PDCD1LG2: variants seen among roughly 807,000 people sequenced by gnomAD.
PDCD1LG2 encodes the protein B7 dendritic cell molecule.
PDCD1LG2 carries 32 observed loss-of-function variants against 28.2 expected under a neutral mutation model. That is an observed-to-expected ratio of 1.13 (90% CI 0.86 to 1.52). The LOEUF (loss-of-function observed/expected upper bound fraction) is 1.52. Ranked by LOEUF, PDCD1LG2 falls within the 40% of genes most tolerant of loss-of-function variation. The pLI is 0.00. For synonymous variants in PDCD1LG2, 116 were observed against 120.2 expected (o/e 0.97, Z 0.23); for missense variants, 385 against 323.8 (o/e 1.19, Z -1.45).
intron 4 of PDCD1LG2, among the ~76,000 whole-genome samples, chr9:5,551,515 C>G (rs981926291): frequency 3.9e-5 from 6 of 152,140 alleles, no homozygotes; most frequent in Non-Finnish European, 7.3e-5. Flanking sequence ...AAGATGTCTA[C>G]TCAGACAAAG....
chr9:5,561,897 G>A (rs928748558), intron 5 of PDCD1LG2, among the ~76,000 whole-genome samples: 1 of 152,142 alleles, frequency 6.6e-6, no homozygotes, highest in Non-Finnish European at 1.5e-5. Flanking sequence ...CTAACCTCAG[G>A]CATAAATGAG....
intron 1 of PDCD1LG2, among the ~76,000 whole-genome samples, chr9:5,517,698 G>C (rs1267604552): frequency 1.3e-5 from 2 of 152,204 alleles, no homozygotes; most frequent in East Asian, 3.8e-4. Context: ...ATCACCATGA[G>C]AAATGACAAT....
In PDCD1LG2 at chr9:5,567,389, G is replaced by C. The variant is rs150364504; in HGVS notation, c.817-2565G>C. 9.8e-3 allele frequency among the ~76,000 whole-genome samples: 1,491 copies of C among 152,322 alleles called. 28 individuals are homozygous for C. The highest frequency in any genetic ancestry group is 0.033 in the African/African-American group (1,387 of 41,558). The stretch of plus-strand genomic sequence containing the variant: ...GTGACACACTGCCCTTTCCATTTGT[G>C]GAAGTTGTTCTTGTATCTAACTTTA... On this transcript the variant is annotated intron_variant, in intron 6 of 6. Transcript: ENST00000397747.
intron 2 of PDCD1LG2, among the ~76,000 whole-genome samples, chr9:5,532,236 C>T (rs1440334737): frequency 6.6e-6 from 1 of 152,202 alleles, no homozygotes; most frequent in African/African-American, 2.4e-5. Flanking sequence ...CCCTGTGCCC[C>T]TCCTGCACAA....
intron 4 of PDCD1LG2, among the ~76,000 whole-genome samples, chr9:5,557,183 A>G (rs1425687109): frequency 6.6e-6 from 1 of 152,056 alleles, no homozygotes; most frequent in Non-Finnish European, 1.5e-5. Context: ...CACTGGGAAG[A>G]GAGAGAGGAT....
At chr9:5,540,393 A>T (rs1280661569) in intron 3 of PDCD1LG2, among the ~76,000 whole-genome samples, 1 of 152,200 alleles carries the variant, frequency 6.6e-6, no homozygotes, top group Non-Finnish European at 1.5e-5. Flanking sequence ...ATCAGGGCAG[A>T]ACTAAATGAA....
At chr9:5,512,225 C>A (rs1392247608) in intron 1 of PDCD1LG2, among the ~76,000 whole-genome samples, 1 of 152,166 alleles carries the variant, frequency 6.6e-6, no homozygotes, top group Non-Finnish European at 1.5e-5. Context: ...TGTAAAGGGG[C>A]AACTGTAGTA....
intron 3 of PDCD1LG2, among the ~76,000 whole-genome samples, chr9:5,543,424 A>G (rs1368744617): frequency 6.6e-6 from 1 of 151,954 alleles, no homozygotes; most frequent in Non-Finnish European, 1.5e-5. Flanking sequence ...CTGCAGTCGC[A>G]GCTACTCGGG....
In PDCD1LG2 at chr9:5,570,191, C is replaced by T. The variant is rs1563836683; in HGVS notation, c.*232C>T. On this transcript the variant is annotated 3_prime_UTR_variant, in exon 7 of 7. Transcript: ENST00000397747. ...TGGAGCCTATGGCTTTAAGCAAGCA[C>T]TACTGCACTTTACAGAATTACCCCA... The T allele has an allele frequency of 4.0e-6, 2 of 495,486 alleles. No individual in the cohort carries two copies. Among genetic ancestry groups the T allele is most frequent in the South Asian group, 4.0e-5 (1 of 24,970 alleles). 30.7% of individuals were successfully genotyped at this position (495,486 alleles called of 1,614,324 possible).
intron 4 of PDCD1LG2, 107 bp from the exon 5 acceptor site, chr9:5,557,511 G>T: frequency 1.6e-6 from 2 of 1,285,232 alleles, no homozygotes; most frequent in African/African-American, 3.0e-5. Flanking sequence ...TGGAGTAAAT[G>T]CTCCACAGAG....
intron 2 of PDCD1LG2, among the ~76,000 whole-genome samples, chr9:5,524,959 A>G (rs190105927): frequency 1.3e-5 from 2 of 152,336 alleles, no homozygotes; most frequent in African/African-American, 4.8e-5. Context: ...CCAGACCTGC[A>G]TGCTTCATTG....
intron 5 of PDCD1LG2, among the ~76,000 whole-genome samples, chr9:5,558,492 G>A (rs1451480489): frequency 3.3e-5 from 5 of 152,270 alleles, no homozygotes; most frequent in African/African-American, 9.6e-5. Context: ...TTTCCTAAAC[G>A]GCTCCCTTGT....
chr9:5,510,963 G>C (rs541554990), intron 1 of PDCD1LG2, among the ~76,000 whole-genome samples, 160 bp downstream of exon 1: 15 of 152,172 alleles, frequency 9.9e-5, no homozygotes, highest in African/African-American at 3.6e-4. Context: ...ATAAGCTAAT[G>C]TCCTCCTGCC....
intron 3 of PDCD1LG2, among the ~76,000 whole-genome samples, chr9:5,547,923 C>A (rs865804817): frequency 7.8e-6 from 1 of 128,774 alleles, no homozygotes; most frequent in African/African-American, 3.2e-5. Flanking sequence ...GGGTGACGAG[C>A]GAAACTCTGT....
intron 2 of PDCD1LG2, among the ~76,000 whole-genome samples, chr9:5,534,527 T>C (rs1820542518): frequency 6.6e-6 from 1 of 151,978 alleles, no homozygotes; most frequent in Non-Finnish European, 1.5e-5. Flanking sequence ...CAGGAGGGAA[T>C]GTTTGGAGGA....
At position 5,549,607 on chromosome 9, in the gene PDCD1LG2, A is replaced by T. The variant is rs2129879026; in HGVS notation, c.631+3A>T. ...TTTGGCCAGCATTGACCTTCAAAGT[A>T]AGAGCTGCCCCCACTTCCTAGGTCT... On this transcript the variant is annotated splice_donor_region_variant and intron_variant, in intron 4 of 6. Coordinates refer to ENST00000397747, the MANE Select transcript of PDCD1LG2 (RefSeq NM_025239.4). The T allele has an allele frequency of 6.2e-7, 1 of 1,614,082 alleles. No homozygotes were observed.
intron 5 of PDCD1LG2, among the ~76,000 whole-genome samples, chr9:5,562,172 T>C (rs190586078): frequency 6.6e-6 from 1 of 152,310 alleles, no homozygotes; most frequent in African/African-American, 2.4e-5. Flanking sequence ...GGAGGGAATA[T>C]GTGAAATCAG....
intron 3 of PDCD1LG2, among the ~76,000 whole-genome samples, chr9:5,544,792 G>A (rs1820760442): frequency 6.6e-6 from 1 of 152,172 alleles, no homozygotes; most frequent in Admixed American, 6.5e-5. Context: ...TGTTATTCAG[G>A]TTGTAAGGAT....
intron 3 of PDCD1LG2, among the ~76,000 whole-genome samples, chr9:5,543,614 A>C (rs1343827899): frequency 2.6e-5 from 4 of 151,994 alleles, no homozygotes; most frequent in African/African-American, 9.7e-5. Flanking sequence ...AAACAATCAA[A>C]GAGAAGCAAG....
Sources: gnomAD v4.1 joint callset for allele counts (sites outside exome capture counted in the v4.1 genomes callset) on GRCh38, gnomAD v4.1.1 for gene constraint, MANE v1.5 for transcripts, NCBI Gene and HGNC (gene_info 2026-07-23, HGNC 2026-07-21) for gene names.